Variants in ADCY2 observed in about 807,000 individuals in gnomAD.
The protein encoded by ADCY2 is adenylate cyclase 2.
A neutral mutation model predicts 125.2 loss-of-function variants in ADCY2; 31 were observed. That is an observed-to-expected ratio of 0.25 (90% CI 0.19 to 0.33). The LOEUF (loss-of-function observed/expected upper bound fraction) is 0.33, where lower values mean the gene tolerates loss of function less well. Among genes scored for constraint, ADCY2 ranks in the 10% least tolerant of loss-of-function variants. The pLI is 1.00. For synonymous variants in ADCY2, 512 were observed against 548.4 expected, an observed-to-expected ratio of 0.93 and a Z score of 0.93; for missense variants, 904 against 1,418.2, an observed-to-expected ratio of 0.64 and a Z score of 5.82.
chr5:7,663,815 T>C (rs1739619987), intron 4 of ADCY2, among the ~76,000 whole-genome samples: 1 of 152,160 alleles, frequency 6.6e-6, no homozygotes. Flanking sequence ...AGGCACACCC[T>C]CTGCAGAGTT....
rs565758137 is a variant in ADCY2 at position 7,710,444 on chromosome 5, G to C, written c.1578+1057G>C. Among the ~76,000 whole-genome samples the C allele has an allele frequency of 2.5e-3, 380 of 152,310 alleles. 3 individuals are homozygous for C. Among genetic ancestry groups the C allele is most frequent in the African/African-American group, 8.8e-3 (367 of 41,564 alleles). Reference sequence around the variant, plus strand: ...CATGTGAGGTGCTGATGAGGGCCATGAGGAAGATAAAATTTAGTGATGGCA... The same window carrying C: ...CATGTGAGGTGCTGATGAGGGCCATCAGGAAGATAAAATTTAGTGATGGCA... On this transcript the variant is annotated intron_variant, in intron 10 of 24. Transcript: ENST00000338316.
chr5:7,700,370 GC>G (rs1231258449), intron 7 of ADCY2, among the ~76,000 whole-genome samples: 3 of 152,004 alleles, frequency 2.0e-5, no homozygotes, highest in Admixed American at 1.3e-4. Context: ...CTTTAATAAT[GC>G]CCTTTGTAGA....
Position 7,509,770 on chromosome 5 carries a change from G to A in ADCY2, c.409-10968G>A, listed in dbSNP as rs1418944153. 3.9e-5 allele frequency among the ~76,000 whole-genome samples: 6 copies of A among 152,194 alleles called. No homozygotes were observed. The South Asian group carries it at 1.2e-3, about 32-fold the overall frequency. On this transcript the variant is annotated intron_variant, in intron 2 of 24. Transcript: ENST00000338316. ...TTGATATTCTAAGCCTAAGGTAACTGTATGGGAAAGATAAAATCTTTTATA... is the reference window on the plus strand; with the variant it reads ...TTGATATTCTAAGCCTAAGGTAACTATATGGGAAAGATAAAATCTTTTATA...
chr5:7,484,160 A>C (rs1416012389), intron 2 of ADCY2, among the ~76,000 whole-genome samples: 1 of 152,166 alleles, frequency 6.6e-6, no homozygotes, highest in Non-Finnish European at 1.5e-5. Context: ...ATAATGTCCC[A>C]AGCTTTTATT....
At chr5:7,722,059 C>T (rs1168394058) in intron 12 of ADCY2, among the ~76,000 whole-genome samples, 1 of 152,220 alleles carries the variant, frequency 6.6e-6, no homozygotes, top group African/African-American at 2.4e-5. Flanking sequence ...GAATTAGGCC[C>T]ATCCATCATT....
chr5:7,436,442 C>T (rs1740803753), intron 2 of ADCY2, among the ~76,000 whole-genome samples: 1 of 152,186 alleles, frequency 6.6e-6, no homozygotes, highest in South Asian at 2.1e-4. Flanking sequence ...ACAATATATG[C>T]CTTGGCTTCG....
At chr5:7,407,482 A>C (rs1739541229) in intron 1 of ADCY2, among the ~76,000 whole-genome samples, 1 of 152,114 alleles carries the variant, frequency 6.6e-6, no homozygotes, top group Non-Finnish European at 1.5e-5. Flanking sequence ...GGAGAGAGAG[A>C]GAGAGAGCGA....
chr5:7,816,586 C>CGAT (rs1294589166), intron 22 of ADCY2, among the ~76,000 whole-genome samples: 1 of 152,268 alleles, frequency 6.6e-6, no homozygotes. Context: ...TGGACTAATA[C>CGAT]GATACAGGTT....
chr5:7,463,797 T>G (rs1473568960), intron 2 of ADCY2, among the ~76,000 whole-genome samples: 1 of 152,152 alleles, frequency 6.6e-6, no homozygotes, highest in Non-Finnish European at 1.5e-5. Context: ...TAAAAATGTT[T>G]CTTGGAGACA....
chr5:7,446,550 A>ATACG (rs1455308352), intron 2 of ADCY2, among the ~76,000 whole-genome samples: 1 of 151,894 alleles, frequency 6.6e-6, no homozygotes, highest in Non-Finnish European at 1.5e-5. Flanking sequence ...ACATACATAC[A>ATACG]TACATACATA....
intron 2 of ADCY2, among the ~76,000 whole-genome samples, chr5:7,466,619 A>C (rs1218340145): frequency 6.6e-6 from 1 of 152,190 alleles, no homozygotes. Flanking sequence ...AAAACACCAC[A>C]GTCCCCCTAG....
At chr5:7,544,500 T>C (rs908346291) in intron 3 of ADCY2, among the ~76,000 whole-genome samples, 1 of 152,180 alleles carries the variant, frequency 6.6e-6, no homozygotes, top group South Asian at 2.1e-4. Context: ...TGCCTCCATC[T>C]TACGAGAACC....
chr5:7,729,227 A>G (rs754749031), intron 14 of ADCY2, among the ~76,000 whole-genome samples: 26 of 152,132 alleles, frequency 1.7e-4, no homozygotes, highest in Non-Finnish European at 2.8e-4. Flanking sequence ...CTTGCTAGGA[A>G]ATATTTCAAA....
chr5:7,412,582 A>G (rs1372886617), intron 1 of ADCY2, among the ~76,000 whole-genome samples: 1 of 152,246 alleles, frequency 6.6e-6, no homozygotes, highest in African/African-American at 2.4e-5. Context: ...GGGTAAGAGT[A>G]ATAACTTAGG....
At chr5:7,543,574 A>C (rs1189499474) in intron 3 of ADCY2, among the ~76,000 whole-genome samples, 2 of 151,666 alleles carry the variant, frequency 1.3e-5, no homozygotes, top group East Asian at 3.9e-4. Context: ...AAACCGATGA[A>C]GGTTTTATTA....
intron 2 of ADCY2, among the ~76,000 whole-genome samples, chr5:7,480,710 T>C (rs1266844940): frequency 1.3e-5 from 2 of 151,472 alleles, no homozygotes; most frequent in Non-Finnish European, 2.9e-5. Flanking sequence ...ATGACACAAG[T>C]TTACCTATAT....
chr5:7,501,656 C>G (rs955250654), intron 2 of ADCY2, among the ~76,000 whole-genome samples: 5 of 110,420 alleles, frequency 4.5e-5, no homozygotes, highest in African/African-American at 1.0e-4. Context: ...TCCCCCCCCC[C>G]CCGCCAGTAA....
chr5:7,745,077 T>C (rs1742557956), intron 15 of ADCY2, among the ~76,000 whole-genome samples: 1 of 152,234 alleles, frequency 6.6e-6, no homozygotes, highest in Admixed American at 6.5e-5. Flanking sequence ...TATTGCAATG[T>C]TGTTTTGCTT....
chr5:7,653,859 T>C (rs1739188488), intron 4 of ADCY2, among the ~76,000 whole-genome samples: 2 of 152,128 alleles, frequency 1.3e-5, no homozygotes, highest in Non-Finnish European at 2.9e-5. Context: ...TCACAAAATA[T>C]CATGAGCTTT....
Sources: gnomAD v4.1 joint callset for allele counts (sites outside exome capture counted in the v4.1 genomes callset) on GRCh38, gnomAD v4.1.1 for gene constraint, MANE v1.5 for transcripts, NCBI Gene and HGNC (gene_info 2026-07-23, HGNC 2026-07-21) for gene names.